Variants in DPP6 observed in about 807,000 individuals in gnomAD.
The protein encoded by DPP6 is dipeptidyl peptidase like 6, also known as A-type potassium channel modulatory protein DPP6.
Under a neutral mutation model 122.6 loss-of-function variants are expected in DPP6, and 69 were observed. That is an observed-to-expected ratio of 0.56 (90% CI 0.46 to 0.69). The LOEUF is 0.69. Ranked by LOEUF, DPP6 falls within the 30% of genes least tolerant of loss-of-function variation. DPP6 has a pLI of 0.00. For missense variants in DPP6, 928 were observed against 1,116.9 expected, an observed-to-expected ratio of 0.83 and a Z score of 2.41; for synonymous variants, 418 against 433.1, an observed-to-expected ratio of 0.97 and a Z score of 0.43.
intron 5 of DPP6, among the ~76,000 whole-genome samples, chr7:154,569,464 A>G (rs1275151372): frequency 6.6e-6 from 1 of 152,012 alleles, no homozygotes; most frequent in African/African-American, 2.4e-5. Context: ...AGTACTTCCC[A>G]AGTGGGTATT....
chr7:153,869,482 T>G, the DPP6 span, among the ~76,000 whole-genome samples: 2 of 152,282 alleles, frequency 1.3e-5, no homozygotes, highest in South Asian at 4.1e-4. Flanking sequence ...AACCCCTGCC[T>G]TTTTTTGTTT....
chr7:153,787,837 CT>C, the DPP6 span, among the ~76,000 whole-genome samples: 75,036 of 139,342 alleles, frequency 0.54, 19,939 homozygotes, highest in East Asian at 0.78. Flanking sequence ...TTTACAATTT[CT>C]TTTTTTTTTT....
rs1804826164 is a variant in DPP6 at position 154,286,052 on chromosome 7, C to T, written c.244-160162C>T. On this transcript the variant is annotated intron_variant, in intron 1 of 25. Coordinates refer to ENST00000377770, the MANE Select transcript of DPP6 (RefSeq NM_130797.4). Reference sequence around the variant, plus strand: ...CGGTAATTTCTCAGTATTTTAAAAACATAGATTCTCTTGATCAGTCTACTA... The same window carrying T: ...CGGTAATTTCTCAGTATTTTAAAAATATAGATTCTCTTGATCAGTCTACTA... Among the ~76,000 whole-genome samples the T allele has an allele frequency of 2.6e-5, 4 of 152,240 alleles. No homozygotes were observed. The South Asian group carries it at 6.2e-4, about 24-fold the overall frequency.
chr7:154,586,375 C>T (rs184923507), intron 5 of DPP6, among the ~76,000 whole-genome samples: 90 of 152,326 alleles, frequency 5.9e-4, no homozygotes, highest in African/African-American at 2.0e-3. Flanking sequence ...ATCGCCTGCC[C>T]TTATGCCCAC....
At chr7:154,889,422 G>A in intron 24 of DPP6, 35 bp from the exon 25 acceptor site, 1 of 1,581,702 alleles carries the variant, frequency 6.3e-7, no homozygotes, top group African/African-American at 1.4e-5. Context: ...TTTAACAAAT[G>A]TCTTCCTCTC....
chr7:154,157,988 C>CAT (rs1245735005), intron 1 of DPP6, among the ~76,000 whole-genome samples: 1 of 147,868 alleles, frequency 6.8e-6, no homozygotes, highest in Non-Finnish European at 1.5e-5. Flanking sequence ...AATATATATA[C>CAT]ATATATATTT....
chr7:154,762,570 C>T (rs866096233), intron 8 of DPP6, among the ~76,000 whole-genome samples: 1 of 152,186 alleles, frequency 6.6e-6, no homozygotes, highest in Admixed American at 6.5e-5. Context: ...GGCATTGGAC[C>T]CGATGGCCTT....
intron 1 of DPP6, among the ~76,000 whole-genome samples, chr7:154,372,070 C>G (rs35473063): frequency 2.2e-4 from 33 of 151,940 alleles, no homozygotes; most frequent in Admixed American, 4.6e-4. Context: ...GATGAGACCA[C>G]CCCCCGGGGA....
At chr7:154,264,623 GTGA>G (rs1585776377) in intron 1 of DPP6, among the ~76,000 whole-genome samples, 1 of 152,042 alleles carries the variant, frequency 6.6e-6, no homozygotes. Context: ...GGTGGTGATG[GTGA>G]TGATGATGTT....
At chr7:154,316,626 G>C (rs1807452811) in intron 1 of DPP6, among the ~76,000 whole-genome samples, 1 of 152,202 alleles carries the variant, frequency 6.6e-6, no homozygotes. Context: ...GGGGAATCAA[G>C]ATCAGAGGAA....
chr7:154,653,585 T>C (rs1351087474), intron 6 of DPP6, among the ~76,000 whole-genome samples: 2 of 151,680 alleles, frequency 1.3e-5, no homozygotes, highest in African/African-American at 4.8e-5. Context: ...GGATAGGTGA[T>C]AGATAATAGA....
chr7:154,765,656 C>T (rs968900392), intron 8 of DPP6, among the ~76,000 whole-genome samples: 7 of 152,184 alleles, frequency 4.6e-5, no homozygotes, highest in Admixed American at 1.3e-4. Context: ...GCTCTGGATA[C>T]AACTTTTGCC....
chr7:154,224,117 A>ACACTGTG (rs1800460390), intron 1 of DPP6, among the ~76,000 whole-genome samples: 3 of 148,470 alleles, frequency 2.0e-5, no homozygotes, highest in African/African-American at 7.8e-5. Flanking sequence ...CCCTGGGAGG[A>ACACTGTG]CACTGTGGCC....
At chr7:153,995,733 A>C (rs545721405) in intron 1 of DPP6, among the ~76,000 whole-genome samples, 3 of 152,278 alleles carry the variant, frequency 2.0e-5, no homozygotes, top group East Asian at 3.9e-4. Flanking sequence ...GGCATACAGT[A>C]ATTAAGTGTA....
chr7:154,002,904 G>A (rs1484585410), intron 1 of DPP6, among the ~76,000 whole-genome samples: 1 of 152,158 alleles, frequency 6.6e-6, no homozygotes, highest in East Asian at 1.9e-4. Flanking sequence ...GCCTCTGCCC[G>A]TGGCCCAGCT....
At chr7:154,062,278 G>A (rs1472304240) in intron 1 of DPP6, among the ~76,000 whole-genome samples, 2 of 84,826 alleles carry the variant, frequency 2.4e-5, no homozygotes, top group African/African-American at 9.6e-5. Context: ...GGATTACTGA[G>A]AGCCAGTCCC....
the DPP6 span, among the ~76,000 whole-genome samples, chr7:153,816,396 G>A: frequency 6.6e-6 from 1 of 151,794 alleles, no homozygotes; most frequent in East Asian, 1.9e-4. Flanking sequence ...AAAACCAAAA[G>A]CAAGTTTGAA....
At chr7:153,874,252 GCACACACACA>G in the DPP6 span, among the ~76,000 whole-genome samples, 3 of 150,092 alleles carry the variant, frequency 2.0e-5, no homozygotes, top group East Asian at 3.9e-4. Context: ...GTGCGCACAT[GCACACACACA>G]CACACACACA....
chr7:154,029,644 A>G (rs576587030), intron 1 of DPP6, among the ~76,000 whole-genome samples: 23 of 147,302 alleles, frequency 1.6e-4, no homozygotes, highest in African/African-American at 5.8e-4. Context: ...CAGGAGATCG[A>G]GACCATCCTG....
Sources: allele counts gnomAD v4.1 joint callset (sites outside exome capture counted in the v4.1 genomes callset), GRCh38; gene constraint gnomAD v4.1.1; transcripts MANE v1.5; gene names NCBI Gene and HGNC (gene_info 2026-07-23, HGNC 2026-07-21).